The following LRP1B variants were observed in gnomAD, a reference collection of about 807,000 sequenced individuals.
LRP1B encodes LDL receptor related protein 1B, also known as low-density lipoprotein receptor-related protein 1B.
LRP1B carries 217 observed loss-of-function variants against 556.6 expected under a neutral mutation model. The observed-to-expected ratio is 0.39, with a 90% CI of 0.35 to 0.44. The LOEUF (loss-of-function observed/expected upper bound fraction) is 0.44. Among genes scored for constraint, LRP1B ranks in the 20% least tolerant of loss-of-function variants. The probability of loss-of-function intolerance (pLI) is 1.00; values close to 1 mark genes in which losing one functional copy is unlikely to be tolerated. For missense variants in LRP1B, 5,053 were observed against 5,620.8 expected, an observed-to-expected ratio of 0.90 and a Z score of 3.23; for synonymous variants, 2,047 against 1,865.8, an observed-to-expected ratio of 1.10 and a Z score of -2.50.
At chr2:140,310,706 T>C (rs1044294999) in intron 83 of LRP1B, among the ~76,000 whole-genome samples, 1 of 151,760 alleles carries the variant, frequency 6.6e-6, no homozygotes, top group Non-Finnish European at 1.5e-5. Flanking sequence ...TGCAGAAGAA[T>C]GAAATTAGAG....
At chr2:141,015,237 A>G (rs751165520) in intron 13 of LRP1B, among the ~76,000 whole-genome samples, 14 of 152,104 alleles carry the variant, frequency 9.2e-5, no homozygotes, top group Non-Finnish European at 1.5e-4. Flanking sequence ...CTTCATACCA[A>G]TAAGCTGGAA....
chr2:140,721,119 T>G (rs1203080501), intron 35 of LRP1B, among the ~76,000 whole-genome samples: 1 of 152,192 alleles, frequency 6.6e-6, no homozygotes, highest in Admixed American at 6.5e-5. Context: ...CTTTAGGATC[T>G]CTTCTGGCTA....
intron 2 of LRP1B, among the ~76,000 whole-genome samples, chr2:141,801,201 C>T (rs1447037434): frequency 6.6e-6 from 1 of 152,064 alleles, no homozygotes; most frequent in South Asian, 2.1e-4. Flanking sequence ...TGGACGTATG[C>T]ATCTGTTATA....
rs2105343616 is a variant in LRP1B, at chr2:140,982,189, C to T, written c.2858G>A (p.Gly953Asp). ...AGATGCCATTTCATCTGTCTGGTCA[C>T]CACAGTCGTCTTCCCTGTCACACAG... is the stretch of plus-strand genomic sequence containing the variant. Reference protein sequence around the residue: ...AWLCDREDDCGDQTDEMASCE... With the variant: ...AWLCDREDDCDDQTDEMASCE... Residue 953 changes from glycine (G) to aspartate (D), a missense_variant, in exon 18 of 91, where the codon GGT (glycine) becomes GAT (aspartate). Coordinates refer to ENST00000389484, the MANE Select transcript of LRP1B (RefSeq NM_018557.3). The T allele has an allele frequency of 6.2e-7, 1 of 1,613,354 alleles. No individual in the cohort carries two copies. Among genetic ancestry groups the T allele is most frequent in the Non-Finnish European group, 8.5e-7 (1 of 1,179,532 alleles).
chr2:141,252,026 C>A (rs1365790501), intron 4 of LRP1B, among the ~76,000 whole-genome samples: 1 of 151,914 alleles, frequency 6.6e-6, no homozygotes, highest in Non-Finnish European at 1.5e-5. Context: ...AACACAAAAA[C>A]AAAAACAAAT....
intron 23 of LRP1B, 55 bp downstream of exon 23, chr2:140,902,865 G>C: frequency 6.4e-7 from 1 of 1,568,354 alleles, no homozygotes; most frequent in African/African-American, 1.4e-5. Flanking sequence ...TTTGGGATTT[G>C]TTTCTTTCAA....
intron 16 of LRP1B, among the ~76,000 whole-genome samples, chr2:140,992,945 C>T (rs751900353): frequency 9.9e-5 from 15 of 151,890 alleles, no homozygotes; most frequent in Non-Finnish European, 1.5e-4. Context: ...CCTATATTTA[C>T]GCATTTATTA....
chr2:141,831,949 T>C (rs1439627310), intron 1 of LRP1B, among the ~76,000 whole-genome samples: 1 of 151,688 alleles, frequency 6.6e-6, no homozygotes, highest in African/African-American at 2.4e-5. Flanking sequence ...TTTTTTTCTC[T>C]AGTTCAATGC....
chr2:141,677,216 T>C lies in LRP1B; in HGVS notation c.205+133063A>G, dbSNP rs142653788. Reference sequence around the variant, plus strand: ...ATTTCTTCATGAACAATGAAATTTGTTTCAAAAAATTGAGCCTGAAAGTCA... The same window carrying C: ...ATTTCTTCATGAACAATGAAATTTGCTTCAAAAAATTGAGCCTGAAAGTCA... On this transcript the variant is annotated intron_variant, in intron 2 of 90. Transcript: ENST00000389484. Among the ~76,000 whole-genome samples the C allele has an allele frequency of 1.1e-4, 17 of 152,218 alleles. No homozygotes were observed. The East Asian group carries it at 1.7e-3, about 16-fold the overall frequency.
At chr2:140,813,887 G>T in intron 31 of LRP1B, 81 bp from the exon 32 acceptor site, 1 of 900,302 alleles carries the variant, frequency 1.1e-6, no homozygotes, top group Non-Finnish European at 1.7e-6. Flanking sequence ...GATTTGAGGG[G>T]AAAAAAATAA....
intron 2 of LRP1B, among the ~76,000 whole-genome samples, chr2:141,562,887 T>C (rs1353523609): frequency 1.3e-5 from 2 of 151,926 alleles, no homozygotes; most frequent in African/African-American, 4.8e-5. Context: ...AAAGATTTTA[T>C]CTCAAAGCAC....
chr2:141,795,901 A>ATATATAT (rs57390759), intron 2 of LRP1B, among the ~76,000 whole-genome samples: 1 of 23,268 alleles, frequency 4.3e-5, no homozygotes, highest in Non-Finnish European at 1.1e-4. Context: ...TATATATATA[A>ATATATAT]TCTTTAAGCA....
At chr2:140,549,076 AT>A (rs1350659706) in intron 43 of LRP1B, among the ~76,000 whole-genome samples, 1 of 151,822 alleles carries the variant, frequency 6.6e-6, no homozygotes, top group Admixed American at 6.6e-5. Context: ...AATCACTTCC[AT>A]TTTTTTTCAG....
chr2:141,461,555 G>C (rs1358078870), intron 3 of LRP1B, among the ~76,000 whole-genome samples: 1 of 152,030 alleles, frequency 6.6e-6, no homozygotes, highest in Non-Finnish European at 1.5e-5. Flanking sequence ...AACCCCTATT[G>C]GTAGGAAACA....
At chr2:140,720,716 C>A (rs901985937) in intron 35 of LRP1B, among the ~76,000 whole-genome samples, 18 of 152,010 alleles carry the variant, frequency 1.2e-4, no homozygotes, top group African/African-American at 4.3e-4. Flanking sequence ...ACTTGTTGAC[C>A]ACCTTCTGTG....
chr2:141,536,890 A>T (rs1031318754), intron 2 of LRP1B, among the ~76,000 whole-genome samples: 3 of 152,172 alleles, frequency 2.0e-5, no homozygotes, highest in Admixed American at 6.6e-5. Flanking sequence ...GAGACCAGGA[A>T]ATTAAACTGT....
At chr2:140,648,556 T>C (rs1684566114) in intron 41 of LRP1B, among the ~76,000 whole-genome samples, 1 of 152,050 alleles carries the variant, frequency 6.6e-6, no homozygotes, top group Non-Finnish European at 1.5e-5. Context: ...GTAGAAGTAA[T>C]GTTTACACTG....
chr2:140,850,926 T>A (rs1692439341), intron 28 of LRP1B, among the ~76,000 whole-genome samples: 1 of 152,158 alleles, frequency 6.6e-6, no homozygotes. Flanking sequence ...GAAATAGTAG[T>A]TACAGATATT....
intron 2 of LRP1B, among the ~76,000 whole-genome samples, chr2:141,706,362 T>C (rs1692137297): frequency 6.6e-6 from 1 of 152,126 alleles, no homozygotes; most frequent in Admixed American, 6.6e-5. Context: ...CTGTGTCTCA[T>C]TCATCTTTAT....
Sources: gnomAD v4.1 joint callset for allele counts (sites outside exome capture counted in the v4.1 genomes callset) on GRCh38, gnomAD v4.1.1 for gene constraint, MANE v1.5 for transcripts, NCBI Gene and HGNC (gene_info 2026-07-23, HGNC 2026-07-21) for gene names.